The following ZNF717 variants were observed in gnomAD, a reference collection of about 807,000 sequenced individuals.
ZNF717 encodes the protein zinc finger protein 717, also known as krueppel-like factor X17.
Under a neutral mutation model 13.8 loss-of-function variants are expected in ZNF717, and 9 were observed. The ratio of observed to expected loss-of-function variants is 0.65; its 90% confidence interval spans 0.39 to 1.14. ZNF717 has a LOEUF of 1.14. Ranked by LOEUF, ZNF717 falls within the 50% of genes most tolerant of loss-of-function variation. ZNF717 has a pLI of 0.01. For missense variants in ZNF717, 1,040 were observed against 1,080.7 expected (o/e 0.96, Z 0.53); for synonymous variants, 327 against 364.1 (o/e 0.90, Z 1.16).
At chr3:75,754,971 A>G (rs1942341630) in intron 2 of ZNF717, among the ~76,000 whole-genome samples, 1 of 152,228 alleles carries the variant, frequency 6.6e-6, no homozygotes, top group Non-Finnish European at 1.5e-5. Flanking sequence ...CCTTACCTAC[A>G]GAGACACAAA....
intron 5 of ZNF717, among the ~76,000 whole-genome samples, chr3:75,713,918 T>C (rs78942393): frequency 3.7e-4 from 56 of 152,238 alleles, no homozygotes; most frequent in African/African-American, 1.2e-3. Flanking sequence ...ACATGGGTCA[T>C]GTGTCCACTG....
Position 75,750,416 on chromosome 3 carries a change from C to G in ZNF717, c.58-8680G>C, listed in dbSNP as rs1338181956. 2.6e-5 allele frequency among the ~76,000 whole-genome samples: 3 copies of G among 116,860 alleles called. No homozygotes were observed. The South Asian group carries it at 8.6e-4, about 34-fold the overall frequency. The allele number at this position is 116,860 out of a possible 152,430, so 76.7% of individuals were successfully genotyped here. A position where few individuals can be genotyped will look rare whatever the true frequency, so the allele number is the denominator to read the frequency against. On this transcript the variant is annotated intron_variant, in intron 2 of 4. Transcript: ENST00000652011. Reference sequence around the variant, plus strand: ...GAGAGTCTGAATGTTTGCCCTCACACAGGATTCCAGAACACTCCTACTGTG... The same window carrying G: ...GAGAGTCTGAATGTTTGCCCTCACAGAGGATTCCAGAACACTCCTACTGTG...
chr3:75,772,013 C>G (rs1322130088), intron 2 of ZNF717, among the ~76,000 whole-genome samples: 3 of 152,366 alleles, frequency 2.0e-5, no homozygotes, highest in East Asian at 3.9e-4. Context: ...TCGCCCCCCT[C>G]CAGACTTTGG....
exon 6 of ZNF717, chr3:75,710,869 G>T (rs1167799405): frequency 1.3e-5 from 2 of 151,998 alleles, no homozygotes; most frequent in African/African-American, 4.8e-5. Context: ...ACTAACAGAG[G>T]CATTATAGTT....
rs1939913103 is a variant in ZNF717, at chr3:75,738,832, C to T, written c.791G>A (p.Cys264Tyr). 1 of 1,551,784 alleles carries T rather than the reference C, an allele frequency of 6.4e-7. No individual in the cohort carries two copies. Residue 264 changes from cysteine to tyrosine, a missense_variant, in exon 5 of 5, where the codon TGC becomes TAC. Transcript: ENST00000652011. ...QVITQVGQPT[C>Y]CRKSDFTKHQ... Reference sequence around the variant, plus strand: ...TTTAGTGAAGTCAGACTTTCTACAGCAAGTTGGCTGTCCTACCTGAGTTAT... The same window carrying T: ...TTTAGTGAAGTCAGACTTTCTACAGTAAGTTGGCTGTCCTACCTGAGTTAT...
At chr3:75,778,152 C>G (rs1042919677) in intron 2 of ZNF717, among the ~76,000 whole-genome samples, 1 of 151,472 alleles carries the variant, frequency 6.6e-6, no homozygotes, top group Non-Finnish European at 1.5e-5. Flanking sequence ...AAAACCAGAA[C>G]CCAAAACAAT....
At position 75,781,957 on chromosome 3, in the gene ZNF717, T is replaced by TC. The variant is rs542901017; in HGVS notation, c.57+1348dup. On this transcript the variant is annotated intron_variant, in intron 2 of 4. Transcript: ENST00000652011. ...TTCTGTAAGGTTGCTGCAGCTAGAATCCCCCCTCCCCTCTCTAAACCAAAG... is the reference window on the plus strand; with the variant it reads ...TTCTGTAAGGTTGCTGCAGCTAGAATCCCCCCCTCCCCTCTCTAAACCAAAG... Among the ~76,000 whole-genome samples the TC allele has an allele frequency of 1.2e-4, 18 of 151,958 alleles. No individual in the cohort carries two copies. In the South Asian group the frequency reaches 3.7e-3, roughly 32 times the overall value.
At chr3:75,755,722 T>TA (rs897704450) in intron 2 of ZNF717, among the ~76,000 whole-genome samples, 7 of 148,146 alleles carry the variant, frequency 4.7e-5, no homozygotes, top group Admixed American at 2.0e-4. Flanking sequence ...AAAAAAGTTT[T>TA]AAAAAAAAGA....
downstream of ZNF717, among the ~76,000 whole-genome samples, chr3:75,707,424 C>T (rs1235732246): frequency 6.6e-6 from 1 of 152,284 alleles, no homozygotes; most frequent in East Asian, 1.9e-4. Context: ...CTTACCGAGT[C>T]CCAGGGGATG....
At chr3:75,763,355 C>A (rs1390766758) in intron 2 of ZNF717, among the ~76,000 whole-genome samples, 5 of 152,184 alleles carry the variant, frequency 3.3e-5, no homozygotes, top group Non-Finnish European at 4.4e-5. Context: ...CAAATTCAAA[C>A]ACCTGAGTCT....
chr3:75,728,689 G>A (rs1938353198), downstream of ZNF717, among the ~76,000 whole-genome samples: 7 of 152,386 alleles, frequency 4.6e-5, 1 homozygote, highest in South Asian at 1.2e-3. Flanking sequence ...ACCCTGTGAA[G>A]AGGTGCTCTC....
chr3:75,741,992 T>C (rs1331614779), intron 2 of ZNF717: 1 of 483,522 alleles, frequency 2.1e-6, no homozygotes, highest in Non-Finnish European at 3.6e-6. Flanking sequence ...AGATGTAGTT[T>C]GTTTTGCACT....
chr3:75,729,287 A>T (rs77303278), downstream of ZNF717, among the ~76,000 whole-genome samples: 1 of 56,772 alleles, frequency 1.8e-5, no homozygotes, highest in Non-Finnish European at 5.6e-5. Flanking sequence ...GGTGGGCAGA[A>T]GGGTGACTCT....
intron 2 of ZNF717, among the ~76,000 whole-genome samples, chr3:75,754,297 T>C (rs1208331104): frequency 2.7e-5 from 4 of 148,934 alleles, no homozygotes; most frequent in African/African-American, 9.9e-5. Flanking sequence ...TCACTTTTAG[T>C]GGGTACTTCA....
intron 2 of ZNF717, among the ~76,000 whole-genome samples, chr3:75,746,025 C>A (rs1941139067): frequency 6.6e-6 from 1 of 152,064 alleles, no homozygotes; most frequent in African/African-American, 2.4e-5. Flanking sequence ...CCACCCTGCT[C>A]CCCCTACCCC....
chr3:75,701,702 GATAA>G (rs1348952171), intron 6 of ZNF717, among the ~76,000 whole-genome samples: 377 of 145,958 alleles, frequency 2.6e-3, no homozygotes, highest in African/African-American at 0.01. Flanking sequence ...TAAATAAATA[GATAA>G]CCCAGTCTCG....
chr3:75,776,064 C>T (rs1944294266), intron 2 of ZNF717, among the ~76,000 whole-genome samples: 1 of 152,248 alleles, frequency 6.6e-6, no homozygotes, highest in Non-Finnish European at 1.5e-5. Context: ...TTACCAGTGC[C>T]ATGCACCTAA....
At chr3:75,706,532 G>A (rs1937806150), downstream of ZNF717, among the ~76,000 whole-genome samples, 1 of 152,312 alleles carries the variant, frequency 6.6e-6, no homozygotes, top group East Asian at 1.9e-4. Context: ...GCCTCACAGA[G>A]GAGGTGAGAA....
At chr3:75,761,957 G>A (rs1026176525) in intron 2 of ZNF717, among the ~76,000 whole-genome samples, 22 of 152,306 alleles carry the variant, frequency 1.4e-4, no homozygotes, top group Non-Finnish European at 3.1e-4. Flanking sequence ...GGGAGGCTGA[G>A]GCAGGAGAAT....
Sources: allele counts gnomAD v4.1 joint callset (sites outside exome capture counted in the v4.1 genomes callset), GRCh38; gene constraint gnomAD v4.1.1; transcripts MANE v1.5; gene names NCBI Gene and HGNC (gene_info 2026-07-23, HGNC 2026-07-21).